The following MS4A18 variants were observed in gnomAD, a reference collection of about 807,000 sequenced individuals.
The protein encoded by MS4A18 is membrane spanning 4-domains A18, also known as membrane-spanning 4-domains subfamily A member 18.
In MS4A18, 27 loss-of-function variants were observed where a neutral mutation model predicts 13.1. The ratio of observed to expected loss-of-function variants is 2.06; its 90% CI spans 1.52 to 2.84. MS4A18 has a LOEUF of 2.84. MS4A18 is among the 30% of genes most tolerant of loss of function. The pLI is 0.00. For synonymous variants in MS4A18, 126 were observed against 76.5 expected (o/e 1.65, Z -3.38); for missense variants, 307 against 196.4 (o/e 1.56, Z -3.37).
chr11:60,734,175 G>T (rs1455934076), intron 2 of MS4A18, among the ~76,000 whole-genome samples: 1 of 152,096 alleles, frequency 6.6e-6, no homozygotes. Flanking sequence ...AGGATCACCT[G>T]AGCCCAGGAG....
chr11:60,731,427 G>A (rs1405168098), intron 1 of MS4A18, among the ~76,000 whole-genome samples: 2 of 152,132 alleles, frequency 1.3e-5, no homozygotes, highest in African/African-American at 4.8e-5. Context: ...TTTTGTTTGG[G>A]GAAGGAAACT....
chr11:60,743,784 C>T, exon 6 of MS4A18: 1 of 702,506 alleles, frequency 1.4e-6, no homozygotes, highest in Non-Finnish European at 2.6e-6. Context: ...TCAATACTAC[C>T]ATTCACCCTG....
At chr11:60,739,296 C>A (rs1299869718) in intron 4 of MS4A18, among the ~76,000 whole-genome samples, 1 of 151,982 alleles carries the variant, frequency 6.6e-6, no homozygotes, top group Non-Finnish European at 1.5e-5. Context: ...AGGGGGCTGC[C>A]ACACTCAGAC....
chr11:60,743,632 A>C lies in MS4A18; in HGVS notation c.859-18A>C. On this transcript the variant is annotated intron_variant, in intron 5 of 5. Coordinates refer to ENST00000529108, the Ensembl canonical transcript of MS4A18. ...TACTACAGAGGAAGATGACGACCAC[A>C]TGTCCTTTGTCTTTCAGAATGTGGC... 2 of 700,490 alleles carry C rather than the reference A, an allele frequency of 2.9e-6. No homozygotes were observed. Among genetic ancestry groups the C allele is most frequent in the Non-Finnish European group, 5.2e-6 (2 of 383,426 alleles). 43.4% of individuals were successfully genotyped at this position (700,490 alleles called of 1,614,324 possible).
At chr11:60,730,122 G>C (rs1052366750) in intron 1 of MS4A18, among the ~76,000 whole-genome samples, 4 of 152,212 alleles carry the variant, frequency 2.6e-5, no homozygotes, top group Non-Finnish European at 5.9e-5. Context: ...CCAGGTCTCA[G>C]GCCAGCTAGA....
intron 4 of MS4A18, among the ~76,000 whole-genome samples, chr11:60,740,539 C>A (rs1174612368): frequency 6.6e-6 from 1 of 152,226 alleles, no homozygotes; most frequent in Non-Finnish European, 1.5e-5. Context: ...TGGCCCCAGG[C>A]AAGTAGCCCA....
exon 6 of MS4A18, chr11:60,743,917 C>T: frequency 2.8e-6 from 2 of 703,108 alleles, no homozygotes. Flanking sequence ...TACCACTGCC[C>T]CTGCCAAAGC....
chr11:60,739,780 A>G (rs950276591), intron 4 of MS4A18, among the ~76,000 whole-genome samples: 1 of 152,264 alleles, frequency 6.6e-6, no homozygotes, highest in Non-Finnish European at 1.5e-5. Context: ...AAAGTCAGGC[A>G]GCAGGCATGG....
chr11:60,739,049 CTGAG>C (rs1405750826), intron 4 of MS4A18, 52 bp downstream of exon 5: 2 of 698,536 alleles, frequency 2.9e-6, no homozygotes, highest in Non-Finnish European at 5.2e-6. Context: ...AGGAGGGCTT[CTGAG>C]GTTGCCTCCC....
chr11:60,728,501 CTG>C (rs558469275), upstream of MS4A18, among the ~76,000 whole-genome samples: 1 of 149,192 alleles, frequency 6.7e-6, no homozygotes, highest in South Asian at 2.1e-4. Context: ...TTCCCTCTCT[CTG>C]TGTGTGTGTA....
chr11:60,731,714 A>G (rs1355262583), intron 1 of MS4A18, among the ~76,000 whole-genome samples: 1 of 152,216 alleles, frequency 6.6e-6, no homozygotes, highest in Non-Finnish European at 1.5e-5. Context: ...TGGTGTTAAC[A>G]TTGTTCTCAA....
chr11:60,728,014 G>A (rs546283416), upstream of MS4A18, among the ~76,000 whole-genome samples: 1 of 152,280 alleles, frequency 6.6e-6, no homozygotes, highest in South Asian at 2.1e-4. Flanking sequence ...TTTGATCACT[G>A]TCATAATCTC....
At chr11:60,739,396 G>A (rs937557529) in intron 4 of MS4A18, among the ~76,000 whole-genome samples, 1 of 152,072 alleles carries the variant, frequency 6.6e-6, no homozygotes, top group Non-Finnish European at 1.5e-5. Flanking sequence ...CTTTTGGTGC[G>A]GGGACCTCCA....
At chr11:60,732,741 AAAAAAAAAAAAG>A (rs1853275426) in intron 1 of MS4A18, among the ~76,000 whole-genome samples, 3 of 150,782 alleles carry the variant, frequency 2.0e-5, no homozygotes, top group East Asian at 3.9e-4. Flanking sequence ...AAAAAAAAAA[AAAAAAAAAAAAG>A]AAACACCTAC....
chr11:60,739,241 T>C (rs1184307107), intron 4 of MS4A18, among the ~76,000 whole-genome samples: 1 of 152,048 alleles, frequency 6.6e-6, no homozygotes, highest in African/African-American at 2.4e-5. Context: ...CTCGTACCTA[T>C]CCTTTTCTCT....
upstream of MS4A18, chr11:60,729,294 T>A (rs986640929): frequency 1.2e-5 from 8 of 691,480 alleles, no homozygotes; most frequent in Non-Finnish European, 2.1e-5. Flanking sequence ...CCTTCTTATG[T>A]GTTTTGCAGC....
chr11:60,733,551 C>T (rs990453574), exon 2 of MS4A18: 7 of 703,284 alleles, frequency 1.0e-5, no homozygotes, highest in Admixed American at 8.0e-5. Flanking sequence ...AGATCCTCAT[C>T]GGCCTGACGC....
exon 2 of MS4A18, chr11:60,733,630 C>T: frequency 1.4e-6 from 1 of 703,648 alleles, no homozygotes; most frequent in Non-Finnish European, 2.6e-6. Context: ...AGGGTACCCG[C>T]TCTGGGGAGG....
chr11:60,741,256 G>A, intron 5 of MS4A18, 113 bp downstream of exon 6: 2 of 684,162 alleles, frequency 2.9e-6, no homozygotes, highest in East Asian at 2.7e-5. Context: ...GGGTGTATCA[G>A]TTAAGTTTTG....
Sources: allele counts gnomAD v4.1 joint callset (sites outside exome capture counted in the v4.1 genomes callset), GRCh38; gene constraint gnomAD v4.1.1; transcripts MANE v1.5; gene names NCBI Gene and HGNC (gene_info 2026-07-23, HGNC 2026-07-21).